The following SIL1 variants were observed in gnomAD, a reference collection of about 807,000 sequenced individuals.
The protein encoded by SIL1 is SIL1 nucleotide exchange factor.
SIL1 carries 40 observed loss-of-function variants against 49.1 expected under a neutral mutation model. That is an observed-to-expected ratio of 0.81 (90% CI 0.63 to 1.06). SIL1 has a LOEUF of 1.06. Ranked by LOEUF, SIL1 falls within the 50% of genes least tolerant of loss-of-function variation. The pLI is 0.00. For missense variants in SIL1, 500 were observed against 572.6 expected, an observed-to-expected ratio of 0.87 and a Z score of 1.29; for synonymous variants, 253 against 250.8, an observed-to-expected ratio of 1.01 and a Z score of -0.08.
chr5:139,093,746 C>T (rs1420208807), intron 3 of SIL1: 4 of 152,174 alleles, frequency 2.6e-5, no homozygotes, highest in Non-Finnish European at 4.4e-5. Context: ...TTGAACCAGT[C>T]CACATTCCCA....
intron 3 of SIL1, among the ~76,000 whole-genome samples, chr5:139,073,997 T>C (rs1581079599): frequency 6.6e-6 from 1 of 152,302 alleles, no homozygotes; most frequent in East Asian, 1.9e-4. Flanking sequence ...ATGATAACTA[T>C]GTGAGGTAAT....
intron 7 of SIL1, among the ~76,000 whole-genome samples, chr5:138,991,362 G>A (rs898976721): frequency 3.3e-5 from 5 of 152,244 alleles, no homozygotes; most frequent in Non-Finnish European, 7.3e-5. Flanking sequence ...AGTAGGGGCT[G>A]GGAGGCAGCA....
intron 1 of SIL1, among the ~76,000 whole-genome samples, chr5:139,143,338 C>CAT (rs1251442889): frequency 6.1e-4 from 51 of 84,216 alleles, no homozygotes; most frequent in African/African-American, 3.2e-3. Context: ...CACACACACA[C>CAT]ACACACATAT....
At chr5:139,075,637 C>T (rs975943973) in intron 3 of SIL1, among the ~76,000 whole-genome samples, 1 of 152,132 alleles carries the variant, frequency 6.6e-6, no homozygotes, top group African/African-American at 2.4e-5. Context: ...GCTACATAAA[C>T]GCTAGTGTGT....
At chr5:139,060,696 T>C (rs573048386) in intron 3 of SIL1, among the ~76,000 whole-genome samples, 1 of 152,342 alleles carries the variant, frequency 6.6e-6, no homozygotes, top group African/African-American at 2.4e-5. Flanking sequence ...TGTAGAAATA[T>C]ATTCCTCCAC....
At chr5:139,129,300 A>C (rs1210666325) in intron 1 of SIL1, among the ~76,000 whole-genome samples, 1 of 152,228 alleles carries the variant, frequency 6.6e-6, no homozygotes, top group Non-Finnish European at 1.5e-5. Flanking sequence ...ATATATGGCC[A>C]ATTTTTGACA....
chr5:139,112,127 G>A lies in SIL1; in HGVS notation c.244+8908C>T, dbSNP rs974895161. 6.6e-5 allele frequency among the ~76,000 whole-genome samples: 10 copies of A among 152,222 alleles called. 1 individual carries two copies. The highest frequency in any genetic ancestry group is 2.1e-4 in the South Asian group (1 of 4,830). ...CTCCCGAGGTGCCGGGATTGCAGAC[G>A]GAGTCTAGTTCACTCAGTGCTCAAT... On this transcript the variant is annotated intron_variant, in intron 3 of 9. Transcript: ENST00000394817.
chr5:138,971,883 C>T (rs1019121724), intron 7 of SIL1, among the ~76,000 whole-genome samples: 1 of 152,044 alleles, frequency 6.6e-6, no homozygotes. Flanking sequence ...CTCCAGGGCC[C>T]ACGGCACACT....
intron 5 of SIL1, among the ~76,000 whole-genome samples, chr5:139,036,919 C>T (rs1178623610): frequency 6.6e-6 from 1 of 152,078 alleles, no homozygotes; most frequent in African/African-American, 2.4e-5. Context: ...ATTTTTTATT[C>T]ATTACATTGT....
At chr5:139,021,444 C>T (rs1581036597) in intron 6 of SIL1, 152 bp from the exon 7 acceptor site, 3 of 1,143,068 alleles carry the variant, frequency 2.6e-6, no homozygotes, top group Middle Eastern at 2.4e-4. Flanking sequence ...TTTGTAAAAA[C>T]CAATTTTTTA....
chr5:138,980,882 C>T (rs187129859), intron 7 of SIL1, among the ~76,000 whole-genome samples: 23 of 152,260 alleles, frequency 1.5e-4, no homozygotes, highest in African/African-American at 5.5e-4. Flanking sequence ...AGGTCTAATG[C>T]TGCCATGGCA....
chr5:139,082,087 T>C (rs1770093644), intron 3 of SIL1, among the ~76,000 whole-genome samples: 1 of 152,200 alleles, frequency 6.6e-6, no homozygotes, highest in South Asian at 2.1e-4. Context: ...CACATCATCT[T>C]GTTTAATTTT....
intron 1 of SIL1, among the ~76,000 whole-genome samples, chr5:139,184,484 G>A (rs1185362404): frequency 6.6e-6 from 1 of 152,042 alleles, no homozygotes; most frequent in Non-Finnish European, 1.5e-5. Context: ...ACCAGCCTCG[G>A]AAACATAGCA....
chr5:139,155,420 C>T (rs1751385506), intron 1 of SIL1: 1 of 112,168 alleles, frequency 8.9e-6, no homozygotes, highest in Non-Finnish European at 2.1e-5. Context: ...ATGGCCTTTC[C>T]TCAGTATACA....
chr5:139,163,413 A>G (rs1414827366), intron 1 of SIL1, among the ~76,000 whole-genome samples: 1 of 151,710 alleles, frequency 6.6e-6, no homozygotes, highest in African/African-American at 2.4e-5. Flanking sequence ...TCTGTCACCC[A>G]GGCTGGAGTC....
chr5:139,040,222 T>G (rs1401915740), intron 5 of SIL1, among the ~76,000 whole-genome samples: 1 of 152,190 alleles, frequency 6.6e-6, no homozygotes, highest in African/African-American at 2.4e-5. Flanking sequence ...TCCATTTATT[T>G]GCCAATCCCA....
At chr5:139,000,909 T>C (rs1767969220) in intron 7 of SIL1, among the ~76,000 whole-genome samples, 2 of 151,754 alleles carry the variant, frequency 1.3e-5, no homozygotes. Flanking sequence ...ATATATAATA[T>C]ATAAATGCCA....
At chr5:138,990,986 G>A (rs1767744916) in intron 7 of SIL1, among the ~76,000 whole-genome samples, 1 of 152,232 alleles carries the variant, frequency 6.6e-6, no homozygotes, top group Non-Finnish European at 1.5e-5. Flanking sequence ...AAAGTGTTGG[G>A]ATTACAGGCG....
intron 3 of SIL1, among the ~76,000 whole-genome samples, chr5:139,061,392 C>T (rs144473364): frequency 6.4e-4 from 98 of 152,324 alleles, no homozygotes; most frequent in African/African-American, 2.0e-3. Flanking sequence ...CCTCCATAGG[C>T]TCCTGCCTGG....
Sources: allele counts gnomAD v4.1 joint callset (sites outside exome capture counted in the v4.1 genomes callset), GRCh38; gene constraint gnomAD v4.1.1; transcripts MANE v1.5; gene names NCBI Gene and HGNC (gene_info 2026-07-23, HGNC 2026-07-21).